The following ZNF484 variants were observed in gnomAD, a reference collection of about 807,000 sequenced individuals.
ZNF484 encodes the protein KRAB box containing C2H2 type zinc finger bA526D8.4.
A neutral mutation model predicts 12.9 loss-of-function variants in ZNF484; 11 were observed. The observed-to-expected ratio is 0.85, with a 90% CI of 0.54 to 1.41. ZNF484 has a LOEUF of 1.41. Among genes scored for constraint, ZNF484 ranks in the 40% most tolerant of loss-of-function variants. The pLI is 0.00. For synonymous variants in ZNF484, 289 were observed against 334.1 expected (o/e 0.86, Z 1.47); for missense variants, 807 against 1,007.7 (o/e 0.80, Z 2.70).
rs758684322 is a variant in ZNF484, at chr9:92,847,203, G to C, written c.1584C>G (p.Asp528Glu). The C allele has an allele frequency of 6.2e-7, 1 of 1,613,982 alleles. No homozygotes were observed. Among genetic ancestry groups the C allele is most frequent in the Non-Finnish European group, 8.5e-7 (1 of 1,179,978 alleles). The change falls in exon 5 of 5, where the codon GAC becomes GAG. Residue 528 changes from aspartate (D) to glutamate (E), a missense_variant. Transcript: ENST00000375495. ...ACTTCCAGGTGAATGATTTTCCACA[G>C]TCGCTGCATTTATAAGGTTTCTCTC... ...HTGEKPYKCSDCGKSFTWKSR... is the reference protein window; with the variant it reads ...HTGEKPYKCSECGKSFTWKSR...
intron 2 of ZNF484, among the ~76,000 whole-genome samples, chr9:92,860,629 A>G (rs1856730383): frequency 6.6e-6 from 1 of 151,086 alleles, no homozygotes; most frequent in Admixed American, 6.6e-5. Flanking sequence ...ACAACAAAAC[A>G]AAACAAACAA....
intron 1 of ZNF484, among the ~76,000 whole-genome samples, chr9:92,876,208 T>C (rs1455957967): frequency 1.3e-5 from 2 of 151,790 alleles, no homozygotes; most frequent in African/African-American, 2.4e-5. Flanking sequence ...TACCCTATGA[T>C]AAAACATTCC....
intron 2 of ZNF484, among the ~76,000 whole-genome samples, chr9:92,863,754 A>T (rs933330972): frequency 3.3e-5 from 5 of 152,258 alleles, no homozygotes; most frequent in Non-Finnish European, 1.5e-5. Context: ...TGTTTTGCAC[A>T]TATTGAGATT....
chr9:92,851,661 CTAA>C (rs1856093973), intron 4 of ZNF484, among the ~76,000 whole-genome samples: 1 of 152,214 alleles, frequency 6.6e-6, no homozygotes, highest in East Asian at 1.9e-4. Context: ...CGAAAAGGGA[CTAA>C]CACACATCTT....
At chr9:92,868,385 C>T (rs1412818660) in intron 2 of ZNF484, among the ~76,000 whole-genome samples, 1 of 152,158 alleles carries the variant, frequency 6.6e-6, no homozygotes, top group Non-Finnish European at 1.5e-5. Context: ...ATTTTCCTGG[C>T]TTCATCATTC....
At chr9:92,872,918 A>C (rs1857545356) in intron 2 of ZNF484, among the ~76,000 whole-genome samples, 1 of 152,210 alleles carries the variant, frequency 6.6e-6, no homozygotes, top group African/African-American at 2.4e-5. Flanking sequence ...CTAAAAAAAA[A>C]AACAAAAGAA....
chr9:92,858,873 C>A (rs1233730500), intron 2 of ZNF484, among the ~76,000 whole-genome samples: 1 of 152,078 alleles, frequency 6.6e-6, no homozygotes, highest in Admixed American at 6.6e-5. Context: ...CACCTGTAAT[C>A]CCAGCACTTT....
At chr9:92,861,877 G>A (rs1856800346) in intron 2 of ZNF484, among the ~76,000 whole-genome samples, 1 of 152,168 alleles carries the variant, frequency 6.6e-6, no homozygotes, top group African/African-American at 2.4e-5. Flanking sequence ...ATAAATCCAT[G>A]TCTAGATACA....
intron 4 of ZNF484, among the ~76,000 whole-genome samples, chr9:92,850,026 T>C (rs919105517): frequency 6.6e-6 from 1 of 152,178 alleles, no homozygotes; most frequent in Non-Finnish European, 1.5e-5. Flanking sequence ...GGTCTCAAAC[T>C]CCTGACTTCA....
chr9:92,862,130 G>C (rs1466984813), intron 2 of ZNF484: 8 of 971,032 alleles, frequency 8.2e-6, no homozygotes, highest in Non-Finnish European at 9.8e-6. Flanking sequence ...ACTTAATTCT[G>C]AGGAATTACC....
intron 2 of ZNF484, among the ~76,000 whole-genome samples, chr9:92,857,252 A>C (rs948907023): frequency 3.9e-5 from 6 of 152,134 alleles, no homozygotes; most frequent in Admixed American, 1.3e-4. Context: ...GAGAATATTA[A>C]AGATTGAAGC....
At chr9:92,866,854 A>G (rs1183422485) in intron 2 of ZNF484, among the ~76,000 whole-genome samples, 3 of 152,216 alleles carry the variant, frequency 2.0e-5, no homozygotes. Context: ...ACATGGATGA[A>G]GCTGGAAACC....
chr9:92,845,206 A>G lies in ZNF484; in HGVS notation c.*1022T>C, dbSNP rs957972225. The G allele has an allele frequency of 1.3e-5, 2 of 152,198 alleles. No homozygotes were observed. The highest frequency in any genetic ancestry group is 2.9e-5 in the Non-Finnish European group (2 of 68,024). 9.4% of individuals were successfully genotyped at this position (152,198 alleles called of 1,614,324 possible). On this transcript the variant is annotated 3_prime_UTR_variant, in exon 5 of 5. Transcript: ENST00000375495. This position sits in a 1 kb window ranked among gnomAD's most constrained non-coding sequence, Gnocchi z 4.0. The stretch of plus-strand genomic sequence containing the variant: ...ATCAAAGACAAAATATATAAAGCAA[A>G]AATTAGTAGCTCTAAAGGAGACAAA...
At position 92,847,809 on chromosome 9, in the gene ZNF484, A is replaced by G; in HGVS notation, c.978T>C (p.Asn326=). ...SNRQKTPYEG[N]YYKCSDYGRA... Reference sequence around the variant, plus strand: ...TTCCATAGTCACTGCATTTATAGTAATTCCCCTCATAAGGAGTTTTCTGAC... The same window carrying G: ...TTCCATAGTCACTGCATTTATAGTAGTTCCCCTCATAAGGAGTTTTCTGAC... The change falls in exon 5 of 5, where the codon AAT becomes AAC. Residue 326 remains asparagine (N), a synonymous_variant. Transcript: ENST00000375495. The G allele has an allele frequency of 6.2e-7, 1 of 1,614,038 alleles. No homozygotes were observed. The highest frequency in any genetic ancestry group is 8.5e-7 in the Non-Finnish European group (1 of 1,180,026).
At chr9:92,867,452 A>T (rs77224198) in intron 2 of ZNF484, among the ~76,000 whole-genome samples, 4,460 of 152,246 alleles carry the variant, frequency 0.029, 299 homozygotes, top group East Asian at 0.29. Context: ...ATTGCACTCC[A>T]GCCTGGGCAA....
At chr9:92,860,777 C>A (rs1278624417) in intron 2 of ZNF484, among the ~76,000 whole-genome samples, 1 of 151,960 alleles carries the variant, frequency 6.6e-6, no homozygotes, top group Non-Finnish European at 1.5e-5. Context: ...GAGGTAGCAC[C>A]CCTCTTGCCT....
intron 2 of ZNF484, among the ~76,000 whole-genome samples, chr9:92,859,105 A>G (rs539647031): frequency 1.3e-5 from 2 of 152,246 alleles, no homozygotes; most frequent in South Asian, 4.1e-4. Flanking sequence ...CAGCCTGGGC[A>G]ACAGAGCAAG....
chr9:92,851,199 C>T (rs189301518), intron 4 of ZNF484, among the ~76,000 whole-genome samples: 29 of 152,324 alleles, frequency 1.9e-4, no homozygotes, highest in Admixed American at 1.6e-3. Context: ...TCTTTTCCCA[C>T]CAGTATATTC....
intron 4 of ZNF484, among the ~76,000 whole-genome samples, chr9:92,851,367 C>T (rs898747120): frequency 6.6e-6 from 1 of 152,294 alleles, no homozygotes; most frequent in Non-Finnish European, 1.5e-5. Flanking sequence ...TACTACTTCA[C>T]GACATATGAA....
Sources: gnomAD v4.1 joint callset for allele counts (sites outside exome capture counted in the v4.1 genomes callset) on GRCh38, gnomAD v4.1.1 for gene constraint, Gnocchi (gnomAD v3.1) non-coding constraint, MANE v1.5 for transcripts, NCBI Gene and HGNC (gene_info 2026-07-23, HGNC 2026-07-21) for gene names.